CHL1: variants seen among roughly 807,000 people sequenced by gnomAD.
CHL1 encodes neural cell adhesion molecule L1-like protein.
Under a neutral mutation model 141.9 loss-of-function variants are expected in CHL1, and 96 were observed. The observed-to-expected ratio is 0.68, with a 90% confidence interval of 0.57 to 0.80. The LOEUF (loss-of-function observed/expected upper bound fraction) is 0.80. CHL1 is among the 30% of genes least tolerant of loss of function. The pLI, the probability that CHL1 is intolerant of heterozygous loss-of-function variation, is 0.00. For missense variants in CHL1, 1,820 were observed against 1,457.2 expected, an observed-to-expected ratio of 1.25 and a Z score of -4.05; for synonymous variants, 613 against 502.2, an observed-to-expected ratio of 1.22 and a Z score of -2.95.
chr3:249,516 T>A (rs965346585), intron 2 of CHL1, among the ~76,000 whole-genome samples: 1 of 152,178 alleles, frequency 6.6e-6, no homozygotes, highest in Non-Finnish European at 1.5e-5. Flanking sequence ...TGAATTTTAT[T>A]ATGGCATGTT....
intron 2 of CHL1, among the ~76,000 whole-genome samples, chr3:266,454 T>C (rs1486828097): frequency 6.6e-6 from 1 of 152,152 alleles, no homozygotes; most frequent in Non-Finnish European, 1.5e-5. Flanking sequence ...TGTTCTTACT[T>C]AGATTTAAGT....
intron 1 of CHL1, chr3:217,455 A>G (rs1700422973): frequency 6.6e-6 from 1 of 152,186 alleles, no homozygotes; most frequent in Admixed American, 6.5e-5. Context: ...GAAAGAAACA[A>G]AGGACTGTGA....
chr3:200,033 G>A (rs988821417), intron 1 of CHL1, among the ~76,000 whole-genome samples: 7 of 152,110 alleles, frequency 4.6e-5, no homozygotes, highest in Admixed American at 2.6e-4. Flanking sequence ...CTGTGAATAT[G>A]TCATCTTTAA....
At chr3:269,084 C>A (rs533539232) in intron 2 of CHL1, among the ~76,000 whole-genome samples, 74 of 152,314 alleles carry the variant, frequency 4.9e-4, no homozygotes, top group African/African-American at 1.7e-3. Flanking sequence ...TGGTCAGAAT[C>A]CTGTCTCAGG....
chr3:198,211 C>A (rs1698559777), intron 1 of CHL1: 2 of 170,516 alleles, frequency 1.2e-5, no homozygotes, highest in African/African-American at 2.4e-5. Context: ...TGTGCGTCGG[C>A]AGGGCTGGGT....
intron 2 of CHL1, among the ~76,000 whole-genome samples, chr3:291,827 T>A (rs78440484): frequency 6.6e-6 from 1 of 152,216 alleles, no homozygotes; most frequent in South Asian, 2.1e-4. Context: ...GGCTAACATA[T>A]GTCTGCAGAA....
intron 26 of CHL1, 85 bp from the exon 27 acceptor site, chr3:401,541 T>A (rs1485364311): frequency 7.9e-6 from 6 of 762,398 alleles, no homozygotes; most frequent in Non-Finnish European, 1.3e-5. Context: ...CTGTTCTTAC[T>A]GACTATTAAC....
In CHL1 at chr3:382,217, A is replaced by G; in HGVS notation, c.1915A>G (p.Arg639Gly). ...ACCAGAAAACCTTCACTTGTCTGAA[A>G]GACAGAACAGGAGTGTTCGGCTGAC... The part of the protein sequence containing the change: ...DPPENLHLSE[R>G]QNRSVRLTWE... The change falls in exon 17 of 28, where the codon AGA (arginine) becomes GGA (glycine). Residue 639 changes from arginine (R) to glycine (G), a missense_variant. Arg to Gly is a moderately radical substitution (Grantham distance 125). Coordinates refer to ENST00000256509, the MANE Select transcript of CHL1 (RefSeq NM_006614.4). The G allele has an allele frequency of 6.2e-7, 1 of 1,613,774 alleles. No homozygotes were observed. Among genetic ancestry groups the G allele is most frequent in the Non-Finnish European group, 8.5e-7 (1 of 1,179,760 alleles).
chr3:199,478 T>C (rs1698725896), intron 1 of CHL1, among the ~76,000 whole-genome samples: 2 of 152,230 alleles, frequency 1.3e-5, no homozygotes, highest in Non-Finnish European at 2.9e-5. Flanking sequence ...ACCTATCTGC[T>C]GATAAGTACA....
intron 2 of CHL1, chr3:309,340 A>G (rs1378409761): frequency 2.0e-5 from 3 of 151,766 alleles, no homozygotes; most frequent in East Asian, 2.0e-4. Context: ...CGCTGGTTGG[A>G]AAGAAAAACT....
At chr3:335,251 A>G (rs1317900713) in intron 5 of CHL1, among the ~76,000 whole-genome samples, 3 of 152,242 alleles carry the variant, frequency 2.0e-5, no homozygotes, top group African/African-American at 7.2e-5. Context: ...TTAAGGGTGC[A>G]ACTTTGAATT....
intron 2 of CHL1, among the ~76,000 whole-genome samples, chr3:306,478 C>T (rs1033309585): frequency 1.3e-5 from 2 of 152,074 alleles, no homozygotes; most frequent in African/African-American, 4.8e-5. Context: ...TGTGATTATG[C>T]CCCAAATCTC....
intron 2 of CHL1, among the ~76,000 whole-genome samples, chr3:256,585 T>A (rs569766280): frequency 6.6e-6 from 1 of 152,312 alleles, no homozygotes; most frequent in East Asian, 1.9e-4. Context: ...CCAAAGATGC[T>A]GCTACATGTT....
At chr3:388,881 AGCCTG>A (rs1402816873) in intron 19 of CHL1, among the ~76,000 whole-genome samples, 1 of 152,252 alleles carries the variant, frequency 6.6e-6, no homozygotes, top group African/African-American at 2.4e-5. Context: ...TTTTTATTTC[AGCCTG>A]TTCTTTGAAA....
At chr3:355,412 A>C (rs1343612127) in intron 11 of CHL1, among the ~76,000 whole-genome samples, 1 of 152,214 alleles carries the variant, frequency 6.6e-6, no homozygotes, top group African/African-American at 2.4e-5. Flanking sequence ...CCCAGCACTG[A>C]GGGCCAACTC....
chr3:275,426 T>G (rs1021295553), intron 2 of CHL1, among the ~76,000 whole-genome samples: 1 of 152,236 alleles, frequency 6.6e-6, no homozygotes, highest in African/African-American at 2.4e-5. Flanking sequence ...CATAATATTC[T>G]TTTCTTATTC....
chr3:216,790 G>A (rs1263993246), intron 1 of CHL1, among the ~76,000 whole-genome samples: 1 of 152,166 alleles, frequency 6.6e-6, no homozygotes, highest in East Asian at 1.9e-4. Flanking sequence ...GTGGTTTCTG[G>A]ATGGCACACC....
At chr3:385,226 T>A (rs559004333) in intron 19 of CHL1, among the ~76,000 whole-genome samples, 39 of 152,278 alleles carry the variant, frequency 2.6e-4, no homozygotes, top group African/African-American at 9.1e-4. Flanking sequence ...AGTAATACTG[T>A]GTATTTGCCA....
chr3:251,892 C>G (rs574561610), intron 2 of CHL1, among the ~76,000 whole-genome samples: 2 of 151,996 alleles, frequency 1.3e-5, no homozygotes, highest in Non-Finnish European at 2.9e-5. Flanking sequence ...TGGTTGGTTT[C>G]TCAAATCATT....
Sources: gnomAD v4.1 joint callset for allele counts (sites outside exome capture counted in the v4.1 genomes callset) on GRCh38, gnomAD v4.1.1 for gene constraint, MANE v1.5 for transcripts, NCBI Gene and HGNC (gene_info 2026-07-23, HGNC 2026-07-21) for gene names.